SARM1: variants seen among roughly 807,000 people sequenced by gnomAD.
The protein encoded by SARM1 is NAD(+) hydrolase SARM1.
SARM1 carries 60 observed loss-of-function variants against 65.1 expected under a neutral mutation model. The observed-to-expected ratio is 0.92, with a 90% CI of 0.75 to 1.14. SARM1 has a LOEUF of 1.14. Ranked by LOEUF, SARM1 falls within the 50% of genes most tolerant of loss-of-function variation. The pLI is 0.00. For synonymous variants in SARM1, 417 were observed against 465.4 expected (o/e 0.90, Z 1.34); for missense variants, 913 against 1,015.7 (o/e 0.90, Z 1.37).
At position 28,381,677 on chromosome 17, in the gene SARM1, C is replaced by T. The variant is rs2068025805; in HGVS notation, c.945C>T (p.Ala315=). The change falls in exon 2 of 9, where the codon GCC becomes GCT. Residue 315 remains alanine, a synonymous_variant. Coordinates refer to ENST00000585482, the MANE Select transcript of SARM1 (RefSeq NM_015077.4). ...GCTTCGCCCGCTGTCTGGTGGACGCCAGCGACACAAGCCAGGGCCGCGGGC... is the reference window on the plus strand; with the variant it reads ...GCTTCGCCCGCTGTCTGGTGGACGCTAGCGACACAAGCCAGGGCCGCGGGC... ...PGRFARCLVD[A]SDTSQGRGPD... 2 of 1,559,908 alleles carry T rather than the reference C, an allele frequency of 1.3e-6. No homozygotes were observed. Among genetic ancestry groups the T allele is most frequent in the Non-Finnish European group, 1.7e-6 (2 of 1,153,978 alleles).
intron 1 of SARM1, among the ~76,000 whole-genome samples, chr17:28,379,405 G>T (rs1397503856): frequency 6.7e-6 from 1 of 148,494 alleles, no homozygotes; most frequent in Non-Finnish European, 1.5e-5. Flanking sequence ...CCGCCTCCTG[G>T]GTTCACACCA....
Position 28,371,895 on chromosome 17 carries a change from T to G in SARM1, c.-138T>G. ...CCCCCAAACTTCTGACCGGCACCCT[T>G]GCCTGGTACCCTTCTCTCCATTCCT... On this transcript the variant is annotated 5_prime_UTR_variant, in exon 1 of 9. Transcript: ENST00000585482. 1.7e-6 allele frequency: 1 copy of G among 591,610 alleles called. No individual in the cohort carries two copies. Among genetic ancestry groups the G allele is most frequent in the Non-Finnish European group, 2.7e-6 (1 of 373,848 alleles). 36.6% of individuals were successfully genotyped at this position (591,610 alleles called of 1,614,324 possible).
Position 28,381,535 on chromosome 17 carries a change from T to C in SARM1, c.803T>C (p.Leu268Pro). 1.3e-6 allele frequency: 2 copies of C among 1,578,708 alleles called. No homozygotes were observed. Among genetic ancestry groups the C allele is most frequent in the East Asian group, 2.3e-5 (1 of 42,920 alleles). Residue 268 changes from leucine to proline, a missense_variant, in exon 2 of 9, where the codon CTG becomes CCG. Physicochemically the swap from Leu to Pro is moderately conservative, Grantham distance 98 (BLOSUM62 -3). Coordinates refer to ENST00000585482, the MANE Select transcript of SARM1 (RefSeq NM_015077.4). ...TCCAAGGAGGACGAGCTGCTTCGGC[T>C]GCACGCCTGCCTCGCAGTAGCGGTG... ...AFSKEDELLR[L>P]HACLAVAVLA...
rs1020868292 is a variant in SARM1, at chr17:28,381,277, G to A, written c.545G>A (p.Arg182Gln). The change falls in exon 2 of 9, where the codon CGG becomes CAG. Residue 182 changes from arginine to glutamine, a missense_variant. Coordinates refer to ENST00000585482, the MANE Select transcript of SARM1 (RefSeq NM_015077.4). ...AKEREPVELA[R>Q]SVAGILEHMF... ...GAACGCGAACCCGTAGAGCTGGCGCGGAGCGTGGCAGGCATCTTGGAGCAC... is the reference window on the plus strand; with the variant it reads ...GAACGCGAACCCGTAGAGCTGGCGCAGAGCGTGGCAGGCATCTTGGAGCAC... 6.2e-7 allele frequency: 1 copy of A among 1,608,348 alleles called. No individual in the cohort carries two copies. Among genetic ancestry groups the A allele is most frequent in the Admixed American group, 1.7e-5 (1 of 59,214 alleles).
chr17:28,385,146 T>C lies in SARM1; in HGVS notation c.1501T>C (p.Tyr501His), dbSNP rs144613221. 4,372 of 1,613,272 alleles carry C rather than the reference T, an allele frequency of 2.7e-3. 11 individuals are homozygous for C. The highest frequency in any genetic ancestry group is 3.4e-3 in the Non-Finnish European group (3,955 of 1,179,806). The change falls in exon 5 of 9, where the codon TAC (tyrosine) becomes CAC (histidine). Residue 501 changes from tyrosine (Y) to histidine (H), a missense_variant. By Grantham distance (83) the Tyr-to-His change is moderately conservative. Coordinates refer to ENST00000585482, the MANE Select transcript of SARM1 (RefSeq NM_015077.4). This position sits in a 1 kb window ranked among gnomAD's most constrained non-coding sequence, Gnocchi z 4.5. ...LGSLDPRFRQYTYGLVSCGLD... is the reference protein window; with the variant it reads ...LGSLDPRFRQHTYGLVSCGLD... ...CAGCCTGGACCCGCGCTTCCGCCAG[T>C]ACACCTACGGCCTGGTCAGCTGCGG... is the stretch of plus-strand genomic sequence containing the variant.
At position 28,400,646 on chromosome 17, in the gene SARM1, C is replaced by T. The variant is rs782595969; in HGVS notation, c.*4360C>T. The T allele has an allele frequency of 1.2e-6, 2 of 1,613,704 alleles. No homozygotes were observed. Among genetic ancestry groups the T allele is most frequent in the Non-Finnish European group, 1.7e-6 (2 of 1,179,796 alleles). ...AGCCGGGATGAGCAGGAGGCCAGCTCCCAGGAGGAAGGGGAACCCCTTCAT... is the reference window on the plus strand; with the variant it reads ...AGCCGGGATGAGCAGGAGGCCAGCTTCCAGGAGGAAGGGGAACCCCTTCAT... On this transcript the variant is annotated 3_prime_UTR_variant, in exon 9 of 9. Coordinates refer to ENST00000585482, the MANE Select transcript of SARM1 (RefSeq NM_015077.4).
chr17:28,387,903 T>C, intron 5 of SARM1: 1 of 469,042 alleles, frequency 2.1e-6, no homozygotes, highest in Non-Finnish European at 3.8e-6. Flanking sequence ...CAGCTGGCTG[T>C]TCAGGTCTGG....
chr17:28,383,291 A>G (rs527832999), intron 2 of SARM1, among the ~76,000 whole-genome samples: 21 of 152,274 alleles, frequency 1.4e-4, no homozygotes, highest in African/African-American at 4.8e-4. Flanking sequence ...GAAGAATCAC[A>G]GGAACCTGGG....
In SARM1 at chr17:28,396,533, G is replaced by T; in HGVS notation, c.*247G>T. 1 of 544,036 alleles carries T rather than the reference G, an allele frequency of 1.8e-6. No individual in the cohort carries two copies. The highest frequency in any genetic ancestry group is 2.2e-5 in the South Asian group (1 of 44,684). 33.7% of individuals were successfully genotyped at this position (544,036 alleles called of 1,614,324 possible). ...CTCCCCCAGGCCCTGCCATTGGGTT[G>T]TCTGTCTCCGTCATGGGGAGGGTCC... On this transcript the variant is annotated 3_prime_UTR_variant, in exon 9 of 9. Coordinates refer to ENST00000585482, the MANE Select transcript of SARM1 (RefSeq NM_015077.4).
At chr17:28,395,792 G>A in intron 7 of SARM1, 113 bp from the exon 8 acceptor site, 1 of 1,111,636 alleles carries the variant, frequency 9.0e-7, no homozygotes, top group Non-Finnish European at 1.3e-6. Context: ...CATCAGGACT[G>A]GTGTCCTGCC....
In SARM1 at chr17:28,395,983, C is replaced by T; in HGVS notation, c.2002C>T (p.Leu668=). 6.2e-7 allele frequency: 1 copy of T among 1,614,012 alleles called. No homozygotes were observed. The highest frequency in any genetic ancestry group is 8.5e-7 in the Non-Finnish European group (1 of 1,179,888). Residue 668 remains leucine, a synonymous_variant, in exon 8 of 9, where the codon CTG becomes TTG. Coordinates refer to ENST00000585482, the MANE Select transcript of SARM1 (RefSeq NM_015077.4). ...CTTCGAGTGGCCTGAGCCCCAGGTC[C>T]TGCCTGAGGACATGCAGGCTGTGCT... ...DGFEWPEPQV[L]PEDMQAVLTF...
At position 28,400,799 on chromosome 17, in the gene SARM1, C is replaced by T. The variant is rs559489325; in HGVS notation, c.*4513C>T. 37 of 1,547,084 alleles carry T rather than the reference C, an allele frequency of 2.4e-5. No homozygotes were observed. Among genetic ancestry groups the T allele is most frequent in the South Asian group, 2.1e-4 (18 of 83,840 alleles). On this transcript the variant is annotated 3_prime_UTR_variant, in exon 9 of 9. Coordinates refer to ENST00000585482, the MANE Select transcript of SARM1 (RefSeq NM_015077.4). Reference sequence around the variant, plus strand: ...GAAATAAATACCATACTCTGGAGTCCGAAAGGGCCATATTCCAACTCTGGC... The same window carrying T: ...GAAATAAATACCATACTCTGGAGTCTGAAAGGGCCATATTCCAACTCTGGC...
chr17:28,388,702 A>G (rs1419732533), intron 7 of SARM1, among the ~76,000 whole-genome samples, 163 bp downstream of exon 7: 1 of 151,660 alleles, frequency 6.6e-6, no homozygotes, highest in Non-Finnish European at 1.5e-5. Context: ...CTGTAATAGG[A>G]CTTTAGCAAA....
At chr17:28,378,809 C>T (rs1229199762) in intron 1 of SARM1, among the ~76,000 whole-genome samples, 5 of 152,106 alleles carry the variant, frequency 3.3e-5, no homozygotes, top group African/African-American at 1.2e-4. Context: ...AGGCCTGTGC[C>T]ACCATACATG....
At chr17:28,375,941 A>G (rs1185180645) in intron 1 of SARM1, among the ~76,000 whole-genome samples, 1 of 152,216 alleles carries the variant, frequency 6.6e-6, no homozygotes, top group Non-Finnish European at 1.5e-5. Flanking sequence ...AGGCATTTGC[A>G]TGTATATTAT....
chr17:28,390,134 G>C (rs955917956), intron 7 of SARM1, among the ~76,000 whole-genome samples: 34 of 152,302 alleles, frequency 2.2e-4, no homozygotes, highest in African/African-American at 7.9e-4. Context: ...ACATTGGTTT[G>C]GTTCAGAAAG....
chr17:28,376,697 T>C (rs1203970370), intron 1 of SARM1, among the ~76,000 whole-genome samples: 2 of 152,224 alleles, frequency 1.3e-5, no homozygotes, highest in Non-Finnish European at 2.9e-5. Flanking sequence ...CTCAAACTCC[T>C]GGACTCAAGC....
chr17:28,375,560 T>C (rs2067984212), intron 1 of SARM1, among the ~76,000 whole-genome samples: 1 of 146,610 alleles, frequency 6.8e-6, no homozygotes, highest in South Asian at 2.1e-4. Context: ...ATCGTGCCGC[T>C]GCACTCCAGC....
chr17:28,379,167 A>G (rs142403999), intron 1 of SARM1, among the ~76,000 whole-genome samples: 3 of 152,316 alleles, frequency 2.0e-5, no homozygotes, highest in Non-Finnish European at 4.4e-5. Context: ...GTTTTCTGCC[A>G]GTGAACATTT....
Sources: gnomAD v4.1 joint callset for allele counts (sites outside exome capture counted in the v4.1 genomes callset) on GRCh38, gnomAD v4.1.1 for gene constraint, Gnocchi (gnomAD v3.1) non-coding constraint, MANE v1.5 for transcripts, NCBI Gene and HGNC (gene_info 2026-07-23, HGNC 2026-07-21) for gene names.